Variants in LRRC49 observed in about 807,000 individuals in gnomAD.
LRRC49 encodes leucine-rich repeat-containing protein 49.
LRRC49 carries 50 observed loss-of-function variants against 83.3 expected under a neutral mutation model. That is an observed-to-expected ratio of 0.60 (90% CI 0.48 to 0.76). The LOEUF is 0.76. LRRC49 is among the 30% of genes least tolerant of loss of function. The probability of loss-of-function intolerance (pLI) is 0.00; values close to 1 mark genes in which losing one functional copy is unlikely to be tolerated. For synonymous variants in LRRC49, 286 were observed against 283.3 expected, an observed-to-expected ratio of 1.01 and a Z score of -0.10; for missense variants, 704 against 809.1, an observed-to-expected ratio of 0.87 and a Z score of 1.58.
rs2039964370 is a variant in LRRC49 at position 71,049,726 on chromosome 15, G to A, written c.*114G>A. On this transcript the variant is annotated 3_prime_UTR_variant, in exon 16 of 16. Transcript: ENST00000260382. ...ACTATCCTATAAACTAGAAAGACTA[G>A]TATAAAAGCATTATTGCCCACTGTT... 1.5e-6 allele frequency: 1 copy of A among 670,426 alleles called. No homozygotes were observed. The highest frequency in any genetic ancestry group is 2.0e-5 in the South Asian group (1 of 49,768). 41.5% of individuals were successfully genotyped at this position (670,426 alleles called of 1,614,324 possible).
chr15:70,857,727 T>C (rs934214939), intron 1 of LRRC49, among the ~76,000 whole-genome samples: 3 of 152,122 alleles, frequency 2.0e-5, no homozygotes, highest in African/African-American at 7.2e-5. Context: ...CAGAAATCCA[T>C]ATAGGGAGGC....
chr15:71,038,268 G>A (rs531149838), intron 15 of LRRC49, among the ~76,000 whole-genome samples: 78 of 152,222 alleles, frequency 5.1e-4, no homozygotes, highest in African/African-American at 1.6e-3. Flanking sequence ...TGTGTGTGTG[G>A]CAGGGCGAAG....
chr15:70,984,717 G>A (rs1297109426), intron 11 of LRRC49, among the ~76,000 whole-genome samples: 3 of 151,340 alleles, frequency 2.0e-5, no homozygotes, highest in African/African-American at 4.9e-5. Context: ...CCATGCTGGT[G>A]TGCTGCACCA....
intron 14 of LRRC49, among the ~76,000 whole-genome samples, chr15:71,030,373 G>T (rs916129020): frequency 3.9e-5 from 6 of 152,146 alleles, no homozygotes; most frequent in African/African-American, 1.2e-4. Context: ...CAGGGTTTCT[G>T]CAGAGAGATC....
At chr15:70,910,678 G>A (rs868781575) in intron 5 of LRRC49, among the ~76,000 whole-genome samples, 1 of 152,086 alleles carries the variant, frequency 6.6e-6, no homozygotes, top group Non-Finnish European at 1.5e-5. Context: ...CTGTCATAAA[G>A]GATCCTATTA....
At chr15:70,854,217 G>C in intron 1 of LRRC49, 2 of 552,220 alleles carry the variant, frequency 3.6e-6, no homozygotes, top group Non-Finnish European at 4.8e-6. Flanking sequence ...GGAGGGACAG[G>C]GGTCGCGGCG....
intron 11 of LRRC49, among the ~76,000 whole-genome samples, chr15:71,001,371 C>A (rs1382526619): frequency 2.0e-5 from 3 of 152,052 alleles, no homozygotes; most frequent in African/African-American, 7.2e-5. Flanking sequence ...AATTAATGCC[C>A]CTGTGTTCAG....
At chr15:70,867,510 T>C (rs966202833) in intron 1 of LRRC49, among the ~76,000 whole-genome samples, 3 of 152,112 alleles carry the variant, frequency 2.0e-5, no homozygotes, top group African/African-American at 7.2e-5. Context: ...GTCCCAATGA[T>C]CCCAGTGAGG....
chr15:70,974,720 T>TAAAAAAAAAAAAA (rs1343976655), intron 9 of LRRC49, among the ~76,000 whole-genome samples: 1 of 129,152 alleles, frequency 7.7e-6, no homozygotes. Flanking sequence ...CAAAGCATTG[T>TAAAAAAAAAAAAA]AAAAAAAAAA....
chr15:70,986,497 A>T (rs1414270467), intron 11 of LRRC49, among the ~76,000 whole-genome samples: 29 of 152,130 alleles, frequency 1.9e-4, no homozygotes, highest in African/African-American at 6.3e-4. Context: ...ATCCTGAGAC[A>T]TTGCTGAAGT....
At chr15:70,988,417 T>C (rs1314296944) in intron 11 of LRRC49, among the ~76,000 whole-genome samples, 158 of 150,576 alleles carry the variant, frequency 1.0e-3, no homozygotes, top group African/African-American at 3.7e-3. Flanking sequence ...TTTTGATCTT[T>C]GTTGGTTTAA....
Position 70,858,472 on chromosome 15 carries a change from C to T in LRRC49, c.-299+5003C>T, listed in dbSNP as rs1010996774. Among the ~76,000 whole-genome samples, 23 of 152,210 alleles carry T rather than the reference C, an allele frequency of 1.5e-4. 1 individual carries two copies. Among genetic ancestry groups the T allele is most frequent in the Non-Finnish European group, 2.8e-4 (19 of 68,004 alleles). On this transcript the variant is annotated intron_variant, in intron 1 of 16. Transcript: ENST00000544974. ...CAAAAAAATTAGCCAGGCTTGGTGG[C>T]GGGTGCCTGTAGTCCCAGCTACTCA... is the stretch of plus-strand genomic sequence containing the variant.
intron 8 of LRRC49, among the ~76,000 whole-genome samples, chr15:70,948,334 A>G (rs900009715): frequency 3.3e-5 from 5 of 152,216 alleles, no homozygotes; most frequent in Non-Finnish European, 5.9e-5. Flanking sequence ...CACTCCTGAT[A>G]GAGCATGTGT....
intron 11 of LRRC49, among the ~76,000 whole-genome samples, chr15:70,985,456 G>T (rs554488407): frequency 6.6e-6 from 1 of 152,062 alleles, no homozygotes; most frequent in East Asian, 1.9e-4. Context: ...CATGTCCTTC[G>T]CCCACTTTTT....
chr15:71,009,937 A>T lies in LRRC49; in HGVS notation c.1538A>T (p.Tyr513Phe). 1 of 1,612,168 alleles carries T rather than the reference A, an allele frequency of 6.2e-7. No individual in the cohort carries two copies. The highest frequency in any genetic ancestry group is 8.5e-7 in the Non-Finnish European group (1 of 1,178,622). ...NPVVNFTLWK[Y>F]YVLFRLSHFS... is the part of the protein sequence containing the mutation. ...GTTGTCAATTTTACACTCTGGAAAT[A>T]CTATGTACTGTTTAGGCTAAGCCAT... The change falls in exon 13 of 16, where the codon TAC becomes TTC. Residue 513 changes from tyrosine (Y) to phenylalanine (F), a missense_variant. This residue lies in a region of LRRC49 where 275 missense variants were observed against 338.0 expected (regional missense o/e 0.81). Coordinates refer to ENST00000260382, the MANE Select transcript of LRRC49 (RefSeq NM_017691.5).
intron 14 of LRRC49, among the ~76,000 whole-genome samples, chr15:71,027,036 G>A (rs1483429990): frequency 1.3e-5 from 2 of 152,098 alleles, no homozygotes; most frequent in African/African-American, 4.8e-5. Flanking sequence ...GTCCTGAATG[G>A]TATTGCCTAG....
At chr15:71,031,546 C>T (rs372596160) in intron 14 of LRRC49, among the ~76,000 whole-genome samples, 2 of 152,302 alleles carry the variant, frequency 1.3e-5, no homozygotes, top group East Asian at 3.9e-4. Context: ...TCCCTCTTGT[C>T]AGGATCAGCT....
chr15:70,853,955 T>A (rs1567025316), intron 1 of LRRC49: 2 of 1,449,830 alleles, frequency 1.4e-6, no homozygotes, highest in Admixed American at 2.5e-5. Context: ...CCGGGCCGGG[T>A]CCCCGGCGCC....
chr15:70,906,723 G>A (rs1295030902), intron 5 of LRRC49, among the ~76,000 whole-genome samples: 2 of 152,038 alleles, frequency 1.3e-5, no homozygotes, highest in Non-Finnish European at 2.9e-5. Flanking sequence ...CTTTATTTAA[G>A]GTCTTTTTGT....
Sources: gnomAD v4.1 joint callset for allele counts (sites outside exome capture counted in the v4.1 genomes callset) on GRCh38, gnomAD v4.1.1 for gene constraint, gnomAD v4.1.1 regional missense constraint, MANE v1.5 for transcripts, NCBI Gene and HGNC (gene_info 2026-07-23, HGNC 2026-07-21) for gene names.